The following AOAH variants were observed in gnomAD, a reference collection of about 807,000 sequenced individuals.
AOAH encodes the protein acyloxyacyl hydrolase (neutrophil).
AOAH carries 64 observed loss-of-function variants against 92.2 expected under a neutral mutation model. The ratio of observed to expected loss-of-function variants is 0.69; its 90% confidence interval spans 0.57 to 0.86. The LOEUF (loss-of-function observed/expected upper bound fraction) is 0.86. Ranked by LOEUF, AOAH falls within the 40% of genes least tolerant of loss-of-function variation. The pLI is 0.00. For missense variants in AOAH, 656 were observed against 694.6 expected, an observed-to-expected ratio of 0.94 and a Z score of 0.62; for synonymous variants, 263 against 254.5, an observed-to-expected ratio of 1.03 and a Z score of -0.32.
At chr7:36,542,058 G>A (rs1480505364) in intron 15 of AOAH, among the ~76,000 whole-genome samples, 2 of 152,184 alleles carry the variant, frequency 1.3e-5, no homozygotes, top group African/African-American at 4.8e-5. Context: ...GGGTCTTCAT[G>A]GTTGTCATTA....
intron 11 of AOAH, among the ~76,000 whole-genome samples, chr7:36,615,177 C>T (rs1246847964): frequency 6.6e-6 from 1 of 152,200 alleles, no homozygotes; most frequent in Non-Finnish European, 1.5e-5. Flanking sequence ...TGTGTAATTT[C>T]AGTGATTCCA....
intron 19 of AOAH, among the ~76,000 whole-genome samples, chr7:36,524,679 A>C (rs1784307279): frequency 1.3e-5 from 2 of 151,868 alleles, no homozygotes; most frequent in Admixed American, 1.3e-4. Context: ...CTGTCTCGAC[A>C]ATAAGTAAAT....
intron 11 of AOAH, among the ~76,000 whole-genome samples, chr7:36,604,551 T>C (rs765746407): frequency 1.3e-4 from 20 of 152,154 alleles, no homozygotes; most frequent in Non-Finnish European, 2.9e-5. Context: ...CTCTGGACAA[T>C]GGGGTGTGAG....
chr7:36,676,553 A>G (rs1281249693), intron 2 of AOAH, among the ~76,000 whole-genome samples: 1 of 152,176 alleles, frequency 6.6e-6, no homozygotes, highest in East Asian at 1.9e-4. Flanking sequence ...CACAGATTCA[A>G]TGCCATCTCT....
intron 13 of AOAH, among the ~76,000 whole-genome samples, chr7:36,571,181 T>G (rs1201863221): frequency 6.6e-6 from 1 of 152,106 alleles, no homozygotes; most frequent in African/African-American, 2.4e-5. Flanking sequence ...AATGCCCAGG[T>G]CTCAAAGAGT....
At chr7:36,677,837 G>T (rs1020833264) in intron 2 of AOAH, among the ~76,000 whole-genome samples, 2 of 152,192 alleles carry the variant, frequency 1.3e-5, no homozygotes, top group African/African-American at 4.8e-5. Context: ...CTAAGGGAAA[G>T]AAATCAGTCA....
intron 4 of AOAH, among the ~76,000 whole-genome samples, chr7:36,645,573 G>GTCTA (rs750058443): frequency 1.3e-5 from 2 of 152,142 alleles, no homozygotes; most frequent in African/African-American, 2.4e-5. Context: ...ATAGTGGCAT[G>GTCTA]TCTAGCCTTT....
At chr7:36,530,942 G>A (rs966766183) in intron 18 of AOAH, among the ~76,000 whole-genome samples, 1 of 152,130 alleles carries the variant, frequency 6.6e-6, no homozygotes, top group African/African-American at 2.4e-5. Flanking sequence ...AAATTGAGAT[G>A]TACACAGAGA....
At chr7:36,675,998 A>C (rs1487035033) in intron 2 of AOAH, among the ~76,000 whole-genome samples, 2 of 152,228 alleles carry the variant, frequency 1.3e-5, no homozygotes, top group East Asian at 3.8e-4. Context: ...TCTACAAAAA[A>C]CCTGACAACT....
chr7:36,703,880 GC>G (rs781761105), intron 1 of AOAH, among the ~76,000 whole-genome samples: 5 of 152,090 alleles, frequency 3.3e-5, no homozygotes, highest in Non-Finnish European at 7.4e-5. Context: ...TTGAGGAATC[GC>G]CACACTGTCT....
At chr7:36,629,875 G>A (rs941503022) in intron 6 of AOAH, among the ~76,000 whole-genome samples, 3 of 152,222 alleles carry the variant, frequency 2.0e-5, no homozygotes, top group South Asian at 2.1e-4. Flanking sequence ...ATATGATGAA[G>A]TCCTAACCCC....
At chr7:36,717,852 C>T (rs1382250098) in intron 1 of AOAH, among the ~76,000 whole-genome samples, 1 of 148,904 alleles carries the variant, frequency 6.7e-6, no homozygotes, top group Admixed American at 6.9e-5. Flanking sequence ...GACAAAGGAA[C>T]AGGCACATGA....
At chr7:36,637,252 G>A (rs1793584591) in intron 5 of AOAH, among the ~76,000 whole-genome samples, 1 of 152,200 alleles carries the variant, frequency 6.6e-6, no homozygotes, top group African/African-American at 2.4e-5. Flanking sequence ...GTAAGTCCTA[G>A]CCAAGATCCC....
intron 11 of AOAH, among the ~76,000 whole-genome samples, chr7:36,600,788 G>T (rs1256523043): frequency 6.6e-6 from 1 of 152,176 alleles, no homozygotes; most frequent in African/African-American, 2.4e-5. Flanking sequence ...GAGGCTTCCT[G>T]GTTGCCTGTT....
intron 15 of AOAH, among the ~76,000 whole-genome samples, chr7:36,541,776 T>G (rs1785441242): frequency 6.6e-6 from 1 of 152,236 alleles, no homozygotes; most frequent in Admixed American, 6.5e-5. Flanking sequence ...AATATAAGTT[T>G]ATTATTGTTC....
chr7:36,625,171 G>C (rs925089034), intron 6 of AOAH, among the ~76,000 whole-genome samples: 2 of 152,120 alleles, frequency 1.3e-5, no homozygotes, highest in African/African-American at 4.8e-5. Context: ...TGGGGGACAG[G>C]GGAGGCTGGA....
intron 1 of AOAH, among the ~76,000 whole-genome samples, chr7:36,694,934 G>A (rs1037658913): frequency 9.1e-6 from 1 of 109,648 alleles, no homozygotes; most frequent in African/African-American, 3.3e-5. Flanking sequence ...AATAGATAGG[G>A]AGAGAGGGAG....
intron 4 of AOAH, among the ~76,000 whole-genome samples, chr7:36,656,747 T>C (rs918821217): frequency 6.6e-6 from 1 of 150,922 alleles, no homozygotes; most frequent in African/African-American, 2.4e-5. Context: ...CTGGATGGTT[T>C]GTAATTGGGG....
At chr7:36,612,393 C>T (rs1410803541) in intron 11 of AOAH, among the ~76,000 whole-genome samples, 1 of 152,118 alleles carries the variant, frequency 6.6e-6, no homozygotes, top group Non-Finnish European at 1.5e-5. Flanking sequence ...TGTGTATTAA[C>T]TGGTTGCACA....
Sources: gnomAD v4.1 joint callset for allele counts (sites outside exome capture counted in the v4.1 genomes callset) on GRCh38, gnomAD v4.1.1 for gene constraint, MANE v1.5 for transcripts, NCBI Gene and HGNC (gene_info 2026-07-23, HGNC 2026-07-21) for gene names.